The following SOS1 variants were observed in gnomAD, a reference collection of about 807,000 sequenced individuals.
SOS1 encodes son of sevenless homolog 1.
Under a neutral mutation model 157.6 loss-of-function variants are expected in SOS1, and 25 were observed. That is an observed-to-expected ratio of 0.16 (90% confidence interval 0.12 to 0.22). The LOEUF (loss-of-function observed/expected upper bound fraction) is 0.22. Ranked by LOEUF, SOS1 falls within the 10% of genes least tolerant of loss-of-function variation. SOS1 has a pLI of 1.00. For synonymous variants in SOS1, 528 were observed against 534.0 expected (o/e 0.99, Z 0.16); for missense variants, 1,237 against 1,599.1 (o/e 0.77, Z 3.86).
chr2:39,109,400 C>CT (rs1345622672), intron 1 of SOS1, among the ~76,000 whole-genome samples: 2 of 152,016 alleles, frequency 1.3e-5, no homozygotes, highest in Non-Finnish European at 2.9e-5. Context: ...CAACAGAACC[C>CT]TTTTTTTCCA....
intron 1 of SOS1, among the ~76,000 whole-genome samples, chr2:39,112,846 C>T (rs556046371): frequency 3.6e-4 from 55 of 152,194 alleles, no homozygotes; most frequent in African/African-American, 1.3e-3. Flanking sequence ...CAAGACCAGC[C>T]TGGGCAACAT....
At chr2:39,077,323 A>G (rs1672039712) in intron 1 of SOS1, among the ~76,000 whole-genome samples, 3 of 147,562 alleles carry the variant, frequency 2.0e-5, no homozygotes, top group Admixed American at 6.8e-5. Context: ...CCTTCTCCAA[A>G]AAAAAAAAAA....
chr2:39,012,071 T>C, intron 14 of SOS1, 55 bp downstream of exon 14: 1 of 1,281,406 alleles, frequency 7.8e-7, no homozygotes, highest in Non-Finnish European at 1.1e-6. Flanking sequence ...AGTATTTCAT[T>C]TTAAAAGTTA....
At position 39,088,500 on chromosome 2, in the gene SOS1, G is replaced by A. The variant is rs558515087; in HGVS notation, c.88-20747C>T. ...AACTCCCCAATTCCTCCTCCCTGCAGGCTCTGGAAACTACCATTCTACTTT... is the reference window on the plus strand; with the variant it reads ...AACTCCCCAATTCCTCCTCCCTGCAAGCTCTGGAAACTACCATTCTACTTT... On this transcript the variant is annotated intron_variant, in intron 1 of 22. Coordinates refer to ENST00000402219, the MANE Select transcript of SOS1 (RefSeq NM_005633.4). Among the ~76,000 whole-genome samples the A allele has an allele frequency of 4.6e-5, 7 of 152,000 alleles. No individual in the cohort carries two copies. In the East Asian group the frequency reaches 1.4e-3, roughly 30 times the overall value.
intron 10 of SOS1, among the ~76,000 whole-genome samples, chr2:39,019,242 C>CT (rs952212588): frequency 4.6e-5 from 7 of 151,616 alleles, no homozygotes; most frequent in Non-Finnish European, 4.4e-5. Context: ...AATTATTATC[C>CT]TTACTTCAGG....
At chr2:39,055,021 C>T (rs1310880074) in intron 4 of SOS1, among the ~76,000 whole-genome samples, 198 bp from the exon 5 acceptor site, 1 of 152,160 alleles carries the variant, frequency 6.6e-6, no homozygotes, top group Non-Finnish European at 1.5e-5. Flanking sequence ...TAACTTACTA[C>T]ACTCCTCCAA....
chr2:39,012,522 CTAATCT>C (rs1031533443), intron 13 of SOS1, among the ~76,000 whole-genome samples, 174 bp from the exon 14 acceptor site: 1 of 152,056 alleles, frequency 6.6e-6, no homozygotes, highest in African/African-American at 2.4e-5. Context: ...GTCCCCAATC[CTAATCT>C]TATTCTTCTT....
At chr2:39,040,522 T>G (rs1012325310) in intron 6 of SOS1, among the ~76,000 whole-genome samples, 3 of 152,182 alleles carry the variant, frequency 2.0e-5, no homozygotes, top group Non-Finnish European at 4.4e-5. Context: ...TAACTTCTAT[T>G]TTCTGTCTCT....
chr2:39,072,537 C>A (rs1671826609), intron 1 of SOS1, among the ~76,000 whole-genome samples: 1 of 152,056 alleles, frequency 6.6e-6, no homozygotes, highest in Non-Finnish European at 1.5e-5. Flanking sequence ...TATATAGCCA[C>A]AATGCAATGA....
chr2:39,120,830 A>G lies in SOS1; in HGVS notation c.-408T>C, dbSNP rs1673853736. Reference sequence around the variant, plus strand: ...CGGCTGGGGGAGGACGTGTGGAGGGACGCTCCGGCCGCGGCGCCCGCTCCG... The same window carrying G: ...CGGCTGGGGGAGGACGTGTGGAGGGGCGCTCCGGCCGCGGCGCCCGCTCCG... On this transcript the variant is annotated 5_prime_UTR_variant, in exon 1 of 23. Coordinates refer to ENST00000402219, the MANE Select transcript of SOS1 (RefSeq NM_005633.4). Among the ~76,000 whole-genome samples the G allele has an allele frequency of 6.7e-6, 1 of 149,678 alleles. No homozygotes were observed. The highest frequency in any genetic ancestry group is 1.5e-5 in the Non-Finnish European group (1 of 67,348).
chr2:39,012,046 T>TATA, intron 14 of SOS1, 80 bp downstream of exon 14: 2 of 1,056,192 alleles, frequency 1.9e-6, no homozygotes, highest in Non-Finnish European at 3.0e-6. Flanking sequence ...ATGAAAACCC[T>TATA]ATAAGGCAGA....
upstream of SOS1, among the ~76,000 whole-genome samples, chr2:39,124,625 G>T (rs1674011822): frequency 6.6e-6 from 1 of 152,270 alleles, no homozygotes; most frequent in Non-Finnish European, 1.5e-5. Context: ...TGCAGCCACA[G>T]TGATCCTTCT....
intron 1 of SOS1, among the ~76,000 whole-genome samples, chr2:39,080,770 T>C (rs541283099): frequency 6.6e-5 from 10 of 152,126 alleles, no homozygotes; most frequent in Non-Finnish European, 1.3e-4. Flanking sequence ...TTTGCACTGA[T>C]AGCCTAGCAA....
At chr2:38,992,762 GCAAA>G (rs1267190669) in intron 20 of SOS1, 1 of 152,122 alleles carries the variant, frequency 6.6e-6, no homozygotes, top group Non-Finnish European at 1.5e-5. Context: ...AAAAAATCCT[GCAAA>G]CAGTTAAATG....
At chr2:39,092,984 A>G (rs1435936605) in intron 1 of SOS1, among the ~76,000 whole-genome samples, 2 of 152,236 alleles carry the variant, frequency 1.3e-5, no homozygotes, top group African/African-American at 4.8e-5. Context: ...TAATGAGGCA[A>G]TATTACTTCT....
In SOS1 at chr2:39,022,925, A is replaced by G; in HGVS notation, c.1503T>C (p.Ile501=). ...ATTCATTGGTGTCATCTTTATCATT[A>G]ATTTGTACCTTTCGCATAAAAAACT... ...KEKFFMRKVQ[I]NDKDDTNEYK... is the part of the protein sequence containing the mutation. The change falls in exon 10 of 23, where the codon ATT becomes ATC. Residue 501 remains isoleucine, a synonymous_variant. Coordinates refer to ENST00000402219, the MANE Select transcript of SOS1 (RefSeq NM_005633.4). The G allele has an allele frequency of 6.2e-7, 1 of 1,613,036 alleles. No homozygotes were observed.
intron 1 of SOS1, among the ~76,000 whole-genome samples, chr2:39,094,018 A>G (rs1672683372): frequency 6.6e-6 from 1 of 152,208 alleles, no homozygotes; most frequent in African/African-American, 2.4e-5. Context: ...TTTTCTTCAT[A>G]TATTTCAACT....
At chr2:38,998,233 ATT>A (rs953628635) in intron 17 of SOS1, among the ~76,000 whole-genome samples, 7 of 146,334 alleles carry the variant, frequency 4.8e-5, no homozygotes, top group Non-Finnish European at 1.1e-4. Context: ...GTGTGATCTT[ATT>A]TTTTTTTTTA....
Position 39,035,468 on chromosome 2 carries a change from A to C in SOS1, c.897T>G (p.Ala299=). 1 of 1,613,560 alleles carries C rather than the reference A, an allele frequency of 6.2e-7. No individual in the cohort carries two copies. The highest frequency in any genetic ancestry group is 8.5e-7 in the Non-Finnish European group (1 of 1,179,496). The part of the protein sequence containing the change: ...ELAFDPYESY[A]RDILRPGFHD... ...GAAAACCAGGTCGCAAAATATCTCG[A>C]GCATACGATTCATATGGATCAAATG... The change falls in exon 7 of 23, where the codon GCT becomes GCG. Residue 299 remains alanine (A), a synonymous_variant. Coordinates refer to ENST00000402219, the MANE Select transcript of SOS1 (RefSeq NM_005633.4).
Sources: allele counts gnomAD v4.1 joint callset (sites outside exome capture counted in the v4.1 genomes callset), GRCh38; gene constraint gnomAD v4.1.1; transcripts MANE v1.5; gene names NCBI Gene and HGNC (gene_info 2026-07-23, HGNC 2026-07-21).